Variants in NAV2 observed in about 807,000 individuals in gnomAD.
The protein encoded by NAV2 is neuron navigator 2.
In NAV2, 54 loss-of-function variants were observed where a neutral mutation model predicts 223.2. The ratio of observed to expected loss-of-function variants is 0.24; its 90% CI spans 0.19 to 0.30. The LOEUF (loss-of-function observed/expected upper bound fraction) is 0.30, where lower values mean the gene tolerates loss of function less well. NAV2 is among the 10% of genes least tolerant of loss of function. The pLI is 1.00. For synonymous variants in NAV2, 1,279 were observed against 1,239.3 expected, an observed-to-expected ratio of 1.03 and a Z score of -0.67; for missense variants, 2,806 against 3,147.5, an observed-to-expected ratio of 0.89 and a Z score of 2.60.
chr11:19,909,721 G>A (rs1337284327), intron 6 of NAV2, among the ~76,000 whole-genome samples: 1 of 152,070 alleles, frequency 6.6e-6, no homozygotes, highest in East Asian at 1.9e-4. Context: ...CTTCTCGGCT[G>A]CTCTTTTTGA....
At chr11:19,661,495 A>G (rs2048281663) in intron 1 of NAV2, among the ~76,000 whole-genome samples, 1 of 149,966 alleles carries the variant, frequency 6.7e-6, no homozygotes, top group Non-Finnish European at 1.5e-5. Flanking sequence ...TAAACTTGTC[A>G]GAGCGCTTTG....
chr11:19,410,905 A>C (rs1850117064), intron 1 of NAV2, among the ~76,000 whole-genome samples: 1 of 152,072 alleles, frequency 6.6e-6, no homozygotes, highest in African/African-American at 2.4e-5. Flanking sequence ...GGATGTGTGC[A>C]CAGAGAGCAG....
intron 1 of NAV2, among the ~76,000 whole-genome samples, chr11:19,514,750 TCTC>T (rs765215921): frequency 1.6e-4 from 24 of 152,128 alleles, no homozygotes; most frequent in Non-Finnish European, 3.2e-4. Flanking sequence ...TCTCTGGAAG[TCTC>T]CTGCCCGCAG....
Position 19,426,259 on chromosome 11 carries a change from G to T in NAV2, c.75+75232G>T, listed in dbSNP as rs575313720. Among the ~76,000 whole-genome samples, 199 of 152,292 alleles carry T rather than the reference G, an allele frequency of 1.3e-3. 1 individual carries two copies. Among genetic ancestry groups the T allele is most frequent in the African/African-American group, 4.5e-3 (185 of 41,548 alleles). ...TGTAAAGTGTTGTTTCTTCCCCAAA[G>T]AAGGGGTCAGATGGGTCCCAGGGAG... On this transcript the variant is annotated intron_variant, in intron 1 of 37. Transcript: ENST00000360655.
intron 11 of NAV2, among the ~76,000 whole-genome samples, chr11:20,019,971 TGGA>T (rs1392416388): frequency 6.9e-6 from 1 of 144,684 alleles, no homozygotes; most frequent in Non-Finnish European, 1.5e-5. Context: ...CTCAAAGGAG[TGGA>T]GGAGAATATG....
chr11:19,828,159 A>G (rs141428390), intron 1 of NAV2, among the ~76,000 whole-genome samples: 1 of 152,356 alleles, frequency 6.6e-6, no homozygotes. Context: ...GACTCTTAAA[A>G]ACAATTTTTT....
intron 1 of NAV2, among the ~76,000 whole-genome samples, chr11:19,597,737 G>A (rs1014795889): frequency 1.4e-4 from 22 of 152,244 alleles, no homozygotes; most frequent in Admixed American, 1.2e-3. Flanking sequence ...CCCAAGCTGC[G>A]GAAGTCTAAA....
At chr11:19,684,144 C>T (rs890141) in intron 1 of NAV2, among the ~76,000 whole-genome samples, 132,819 of 152,196 alleles carry the variant, frequency 0.87, 58,379 homozygotes, top group Middle Eastern at 0.96. Flanking sequence ...TAATTAGCTC[C>T]ATTTTCTTCA....
intron 1 of NAV2, among the ~76,000 whole-genome samples, chr11:19,754,302 TA>T (rs1400075032): frequency 6.6e-6 from 1 of 152,194 alleles, no homozygotes; most frequent in African/African-American, 2.4e-5. Context: ...CCAGAAGGAA[TA>T]AGGTGCCTGT....
At chr11:20,042,454 G>A (rs2057015693) in intron 12 of NAV2, among the ~76,000 whole-genome samples, 1 of 152,116 alleles carries the variant, frequency 6.6e-6, no homozygotes, top group Non-Finnish European at 1.5e-5. Context: ...TCATAGCCAG[G>A]CAGTGTGTGT....
At position 19,436,899 on chromosome 11, in the gene NAV2, G is replaced by C. The variant is rs144573475; in HGVS notation, c.75+85872G>C. 3.1e-3 allele frequency among the ~76,000 whole-genome samples: 466 copies of C among 152,104 alleles called. 1 individual carries two copies. Among genetic ancestry groups the C allele is most frequent in the African/African-American group, 0.011 (446 of 41,498 alleles). On this transcript the variant is annotated intron_variant, in intron 1 of 37. Transcript: ENST00000360655. ...TCAAATAGTTCATTGTTAGTGTATAGAAATGCTACTGGTGTCTGTATATTG... is the reference window on the plus strand; with the variant it reads ...TCAAATAGTTCATTGTTAGTGTATACAAATGCTACTGGTGTCTGTATATTG...
chr11:20,003,019 G>C (rs146168134), intron 11 of NAV2, among the ~76,000 whole-genome samples: 12 of 152,354 alleles, frequency 7.9e-5, no homozygotes, highest in African/African-American at 2.4e-4. Context: ...GACAGTGGCT[G>C]TTCCACCAAC....
chr11:19,990,709 G>C (rs576228529), intron 11 of NAV2, among the ~76,000 whole-genome samples: 5 of 152,268 alleles, frequency 3.3e-5, no homozygotes, highest in Admixed American at 2.0e-4. Flanking sequence ...AGAGAATCTA[G>C]ATCTGTGCTG....
intron 10 of NAV2, among the ~76,000 whole-genome samples, chr11:19,953,530 G>T (rs1292576326): frequency 6.6e-6 from 1 of 152,186 alleles, no homozygotes; most frequent in Admixed American, 6.5e-5. Context: ...TTCCCCTCAT[G>T]CCCATCTGAC....
chr11:19,565,931 G>A (rs1397620080), intron 1 of NAV2, among the ~76,000 whole-genome samples: 5 of 152,238 alleles, frequency 3.3e-5, no homozygotes, highest in African/African-American at 1.2e-4. Flanking sequence ...CTCCTCTGGA[G>A]CTCTGGGCTT....
chr11:19,351,605 T>C (rs954981944), intron 1 of NAV2, among the ~76,000 whole-genome samples: 4 of 152,136 alleles, frequency 2.6e-5, no homozygotes, highest in African/African-American at 9.7e-5. Context: ...GTTCAACTTG[T>C]CTTTAAAAGG....
chr11:19,666,571 T>C (rs541809776), intron 1 of NAV2, among the ~76,000 whole-genome samples: 6 of 152,278 alleles, frequency 3.9e-5, no homozygotes, highest in Admixed American at 3.9e-4. Flanking sequence ...AGACAGATTG[T>C]GGAGCTTGGG....
chr11:19,700,303 G>C (rs2049474426), intron 1 of NAV2, among the ~76,000 whole-genome samples: 1 of 152,176 alleles, frequency 6.6e-6, no homozygotes, highest in Non-Finnish European at 1.5e-5. Flanking sequence ...AAGTAACACT[G>C]CCAGTAAGTG....
At chr11:19,489,431 T>C (rs2042551369) in intron 1 of NAV2, among the ~76,000 whole-genome samples, 1 of 152,182 alleles carries the variant, frequency 6.6e-6, no homozygotes, top group South Asian at 2.1e-4. Context: ...GAGACTATAG[T>C]TTCATACAGA....
Sources: gnomAD v4.1 joint callset for allele counts (sites outside exome capture counted in the v4.1 genomes callset) on GRCh38, gnomAD v4.1.1 for gene constraint, MANE v1.5 for transcripts, NCBI Gene and HGNC (gene_info 2026-07-23, HGNC 2026-07-21) for gene names.